The following NOS2 variants were observed in gnomAD, a reference collection of about 807,000 sequenced individuals.
NOS2 encodes nitric oxide synthase 2.
Under a neutral mutation model 136.0 loss-of-function variants are expected in NOS2, and 96 were observed. That is an observed-to-expected ratio of 0.71 (90% CI 0.60 to 0.84). The LOEUF is 0.84. NOS2 is among the 40% of genes least tolerant of loss of function. The probability of loss-of-function intolerance (pLI) is 0.00; values close to 1 mark genes in which losing one functional copy is unlikely to be tolerated. For synonymous variants in NOS2, 539 were observed against 587.5 expected (o/e 0.92, Z 1.20); for missense variants, 1,237 against 1,496.9 (o/e 0.83, Z 2.87).
In NOS2 at chr17:27,769,542, T is replaced by C; in HGVS notation, c.1852A>G (p.Lys618Glu). 1 of 1,613,562 alleles carries C rather than the reference T, an allele frequency of 6.2e-7. No individual in the cohort carries two copies. Among genetic ancestry groups the C allele is most frequent in the Non-Finnish European group, 8.5e-7 (1 of 1,179,588 alleles). ...CAACGGAAAAAGCTTTACCTGAATTTGTTGTTGAGCTCTTTCAGCATGAAG... is the reference window on the plus strand; with the variant it reads ...CAACGGAAAAAGCTTTACCTGAATTCGTTGTTGAGCTCTTTCAGCATGAAG... ...SLFMLKELNNKFRYAVFGLGS... is the reference protein window; with the variant it reads ...SLFMLKELNNEFRYAVFGLGS... The change falls in exon 16 of 27, where the codon AAA becomes GAA. Residue 618 changes from lysine (K) to glutamate (E), a missense_variant. This residue lies in a region of NOS2 where 782 missense variants were observed against 909.9 expected (regional missense o/e 0.86). Transcript: ENST00000313735.
chr17:27,789,064 C>T lies in NOS2; in HGVS notation c.196-133G>A, dbSNP rs143873477. On this transcript the variant is annotated intron_variant, in intron 3 of 26. Coordinates refer to ENST00000313735, the MANE Select transcript of NOS2 (RefSeq NM_000625.4). The stretch of plus-strand genomic sequence containing the variant: ...TCCCTCCACGTCCCTCCTCTGTTTC[C>T]AGCCCCCGGGCGACCTGGGCCAGTG... 9.4e-6 allele frequency: 12 copies of T among 1,281,424 alleles called. No individual in the cohort carries two copies. In the African/African-American group the frequency reaches 1.5e-4, roughly 16 times the overall value. The allele number at this position is 1,281,424 out of a possible 1,614,324, so 79.4% of individuals were successfully genotyped here.
At chr17:27,758,708 G>A (rs957048952) in intron 26 of NOS2, among the ~76,000 whole-genome samples, 173 bp downstream of exon 26, 2 of 152,200 alleles carry the variant, frequency 1.3e-5, no homozygotes, top group Non-Finnish European at 2.9e-5. Context: ...AGGATGTGCA[G>A]TAAGGCCATC....
At chr17:27,774,626 C>T (rs1265268808) in intron 11 of NOS2, among the ~76,000 whole-genome samples, 175 bp from the exon 12 acceptor site, 1 of 152,186 alleles carries the variant, frequency 6.6e-6, no homozygotes, top group African/African-American at 2.4e-5. Flanking sequence ...ATGGAAGGCG[C>T]TTGTGGAGCC....
chr17:27,781,025 G>T lies in NOS2; in HGVS notation c.864+11C>A. On this transcript the variant is annotated intron_variant, in intron 8 of 26. Transcript: ENST00000313735. ...GCCCCAATGGCCGGTGGCTGAGGCT[G>T]GGCCGGGTACCTGAGTGAATTCCAC... 6.2e-7 allele frequency: 1 copy of T among 1,611,692 alleles called. No individual in the cohort carries two copies.
chr17:27,788,326 C>T (rs1003725822), intron 4 of NOS2, among the ~76,000 whole-genome samples: 1 of 152,092 alleles, frequency 6.6e-6, no homozygotes, highest in African/African-American at 2.4e-5. Context: ...CACTTTACAA[C>T]CATAGAATGT....
chr17:27,797,703 G>A (rs534130684), intron 2 of NOS2, among the ~76,000 whole-genome samples: 32 of 152,308 alleles, frequency 2.1e-4, no homozygotes, highest in African/African-American at 5.3e-4. Flanking sequence ...GCACTATTGC[G>A]TTATTGCAGA....
chr17:27,777,138 C>T (rs781114820), intron 11 of NOS2, among the ~76,000 whole-genome samples: 3 of 152,224 alleles, frequency 2.0e-5, no homozygotes, highest in Non-Finnish European at 4.4e-5. Context: ...CAAGCACAGG[C>T]CTGATCTGCC....
At position 27,769,178 on chromosome 17, in the gene NOS2, A is replaced by G. The variant is rs369728786; in HGVS notation, c.1860-27T>C. 4.9e-5 allele frequency: 77 copies of G among 1,583,942 alleles called. No homozygotes were observed. The African/African-American group carries it at 8.7e-4, about 18-fold the overall frequency. On this transcript the variant is annotated intron_variant, in intron 16 of 26. Coordinates refer to ENST00000313735, the MANE Select transcript of NOS2 (RefSeq NM_000625.4). ...TGCCCGAGGACACACACAGAGACAC[A>G]TGTCCCATGCAAGCAGCACCTGGCA...
At chr17:27,779,797 G>A (rs1368913009) in intron 9 of NOS2, among the ~76,000 whole-genome samples, 1 of 152,178 alleles carries the variant, frequency 6.6e-6, no homozygotes, top group African/African-American at 2.4e-5. Flanking sequence ...GCCTCTCTGA[G>A]CCTCAACATC....
At position 27,789,704 on chromosome 17, in the gene NOS2, G is replaced by A. The variant is rs778034545; in HGVS notation, c.111-16C>T. The A allele has an allele frequency of 6.3e-7, 1 of 1,598,374 alleles. No individual in the cohort carries two copies. The highest frequency in any genetic ancestry group is 2.2e-5 in the East Asian group (1 of 44,780). On this transcript the variant is annotated splice_polypyrimidine_tract_variant and intron_variant, in intron 2 of 26. Transcript: ENST00000313735. Reference sequence around the variant, plus strand: ...TGTCACTGGACTGTGAAAGGAAACAGCTAGCATGAGATGCGGTATCCAAGG... The same window carrying A: ...TGTCACTGGACTGTGAAAGGAAACAACTAGCATGAGATGCGGTATCCAAGG...
intron 14 of NOS2, among the ~76,000 whole-genome samples, chr17:27,771,712 C>T (rs1018548294): frequency 6.6e-6 from 1 of 152,262 alleles, no homozygotes; most frequent in Non-Finnish European, 1.5e-5. Context: ...CAGTCAGGTT[C>T]CTCCTCTGTG....
In NOS2 at chr17:27,781,081, T is replaced by G; in HGVS notation, c.819A>C (p.Pro273=). The G allele has an allele frequency of 6.2e-7, 1 of 1,613,878 alleles. No individual in the cohort carries two copies. Among genetic ancestry groups the G allele is most frequent in the Non-Finnish European group, 8.5e-7 (1 of 1,180,026 alleles). The change falls in exon 8 of 27, where the codon CCA becomes CCC. Residue 273 remains proline, a synonymous_variant. Coordinates refer to ENST00000313735, the MANE Select transcript of NOS2 (RefSeq NM_000625.4). ...CAGGGTCCCCTCTGATGCTGCCATC[T>G]GGCATCTGGTAGCCAGCATAGCGGA... ...QLIRYAGYQM[P]DGSIRGDPAN...
Position 27,784,223 on chromosome 17 carries a change from C to T in NOS2, c.468-1117G>A, listed in dbSNP as rs548356100. On this transcript the variant is annotated intron_variant, in intron 5 of 26. Coordinates refer to ENST00000313735, the MANE Select transcript of NOS2 (RefSeq NM_000625.4). ...CAGTCAGCACCAAAGCCTTTTGAAA[C>T]AGCATCAAAACTATTTAAAGAATGA... Among the ~76,000 whole-genome samples the T allele has an allele frequency of 3.3e-5, 5 of 152,082 alleles. No individual in the cohort carries two copies. In the South Asian group the frequency reaches 1.0e-3, roughly 32 times the overall value.
intron 22 of NOS2, among the ~76,000 whole-genome samples, chr17:27,761,811 C>T (rs900363736): frequency 7.9e-5 from 12 of 152,138 alleles, no homozygotes; most frequent in Admixed American, 2.6e-4. Context: ...GTTCCCTTTA[C>T]AATGGCCCAG....
intron 24 of NOS2, among the ~76,000 whole-genome samples, 162 bp downstream of exon 24, chr17:27,760,461 G>A (rs1467878547): frequency 6.6e-6 from 1 of 152,206 alleles, no homozygotes; most frequent in Non-Finnish European, 1.5e-5. Flanking sequence ...TGCGGGAGAC[G>A]GAAAGGCAGC....
Position 27,778,974 on chromosome 17 carries a change from C to T in NOS2, c.1087G>A (p.Glu363Lys). The change falls in exon 10 of 27, where the codon GAG (glutamate) becomes AAG (lysine). Residue 363 changes from glutamate (E) to lysine (K), a missense_variant. By Grantham distance (56) the Glu-to-Lys change is moderately conservative (BLOSUM62 1). This residue lies in a region of NOS2 where 440 missense variants were observed against 545.4 expected (regional missense o/e 0.81). Transcript: ENST00000313735. ...CCATTGAAGGGGCACCCTGGGAACT[C>T]CAGGCCGCCCACCTCAAGCAGCATG... Reference protein sequence around the residue: ...ANMLLEVGGLEFPGCPFNGWY... With the variant: ...ANMLLEVGGLKFPGCPFNGWY... The T allele has an allele frequency of 1.2e-6, 2 of 1,612,928 alleles. No homozygotes were observed. Among genetic ancestry groups the T allele is most frequent in the Middle Eastern group, 1.7e-4 (1 of 6,046 alleles).
Position 27,789,594 on chromosome 17 carries a change from A to G in NOS2, c.195+10T>C. On this transcript the variant is annotated intron_variant, in intron 3 of 26. Transcript: ENST00000313735. Reference sequence around the variant, plus strand: ...GGAAGGGGCTTCCCACACCCATGTGACTCACTGACCTTTCCCGTCTCCACG... The same window carrying G: ...GGAAGGGGCTTCCCACACCCATGTGGCTCACTGACCTTTCCCGTCTCCACG... 2 of 1,607,190 alleles carry G rather than the reference A, an allele frequency of 1.2e-6. No homozygotes were observed. The highest frequency in any genetic ancestry group is 3.3e-4 in the Middle Eastern group (2 of 6,050).
At chr17:27,771,221 C>CT (rs559366463) in intron 14 of NOS2, among the ~76,000 whole-genome samples, 108 of 152,350 alleles carry the variant, frequency 7.1e-4, no homozygotes, top group African/African-American at 2.5e-3. Flanking sequence ...TCCTTCCCCG[C>CT]TTAAGCCCTA....
chr17:27,798,463 C>T (rs1265405321), intron 2 of NOS2, among the ~76,000 whole-genome samples: 1 of 151,990 alleles, frequency 6.6e-6, no homozygotes, highest in African/African-American at 2.4e-5. Flanking sequence ...AGATTCCAAG[C>T]TTCTTCAGGG....
Sources: allele counts gnomAD v4.1 joint callset (sites outside exome capture counted in the v4.1 genomes callset), GRCh38; gene constraint gnomAD v4.1.1; regional missense constraint gnomAD v4.1.1; transcripts MANE v1.5; gene names NCBI Gene and HGNC (gene_info 2026-07-23, HGNC 2026-07-21).